Variants in NCAPD3 observed in about 807,000 individuals in gnomAD.
NCAPD3 encodes non-SMC condensin II complex subunit D3, also known as condensin-2 complex subunit D3.
A neutral mutation model predicts 182.9 loss-of-function variants in NCAPD3; 105 were observed. The observed-to-expected ratio is 0.57, with a 90% CI of 0.49 to 0.68. The LOEUF (loss-of-function observed/expected upper bound fraction) is 0.68. NCAPD3 is among the 30% of genes least tolerant of loss of function. The pLI, the probability that NCAPD3 is intolerant of heterozygous loss-of-function variation, is 0.00. For missense variants in NCAPD3, 1,944 were observed against 1,837.0 expected, an observed-to-expected ratio of 1.06 and a Z score of -1.07; for synonymous variants, 815 against 679.9, an observed-to-expected ratio of 1.20 and a Z score of -3.09.
intron 32 of NCAPD3, among the ~76,000 whole-genome samples, chr11:134,155,079 C>T (rs935681661): frequency 3.3e-5 from 5 of 152,238 alleles, no homozygotes; most frequent in South Asian, 4.1e-4. Context: ...ATGCACTGTG[C>T]GTAGAATCGA....
Position 134,152,808 on chromosome 11 carries a change from G to A in NCAPD3, c.*136C>T. On this transcript the variant is annotated 3_prime_UTR_variant, in exon 35 of 35. Coordinates refer to ENST00000534548, the MANE Select transcript of NCAPD3 (RefSeq NM_015261.3). ...AATAGAAGGTGAGTGCCAGGCCCCTGAGGAGGAGCTCTCGTGTTCCACAGC... is the reference window on the plus strand; with the variant it reads ...AATAGAAGGTGAGTGCCAGGCCCCTAAGGAGGAGCTCTCGTGTTCCACAGC... 2 of 674,708 alleles carry A rather than the reference G, an allele frequency of 3.0e-6. No homozygotes were observed. Among genetic ancestry groups the A allele is most frequent in the South Asian group, 4.2e-5 (2 of 48,168 alleles). 41.8% of individuals were successfully genotyped at this position (674,708 alleles called of 1,614,324 possible). A position where few individuals can be genotyped will look rare whatever the true frequency, so the allele number is the denominator to read the frequency against.
At chr11:134,169,083 G>T in intron 24 of NCAPD3, 29 bp from the exon 25 acceptor site, 1 of 1,605,448 alleles carries the variant, frequency 6.2e-7, no homozygotes, top group East Asian at 2.2e-5. Context: ...CAAAGAGGGA[G>T]ACCCATTTGC....
chr11:134,193,899 G>T, intron 15 of NCAPD3, 117 bp downstream of exon 15: 1 of 1,017,082 alleles, frequency 9.8e-7, no homozygotes. Flanking sequence ...CAGTTCTACA[G>T]TGGACTTAGT....
At chr11:134,199,799 G>A (rs1944710869) in intron 13 of NCAPD3, among the ~76,000 whole-genome samples, 1 of 152,164 alleles carries the variant, frequency 6.6e-6, no homozygotes, top group Non-Finnish European at 1.5e-5. Context: ...AACTCATGAG[G>A]ACTGAAGAAA....
chr11:134,162,023 T>C (rs1019293956), intron 27 of NCAPD3, 132 bp from the exon 28 acceptor site: 19 of 566,940 alleles, frequency 3.4e-5, no homozygotes, highest in East Asian at 9.2e-5. Flanking sequence ...ATTATGATAC[T>C]GGATGTAGAG....
chr11:134,165,816 A>G (rs1203047346), intron 27 of NCAPD3, among the ~76,000 whole-genome samples: 1 of 138,054 alleles, frequency 7.2e-6, no homozygotes, highest in Non-Finnish European at 1.5e-5. Flanking sequence ...CTCACTTGTG[A>G]GATGAGCTTG....
intron 2 of NCAPD3, among the ~76,000 whole-genome samples, chr11:134,218,821 C>A (rs1190213041): frequency 6.6e-6 from 1 of 152,154 alleles, no homozygotes; most frequent in African/African-American, 2.4e-5. Context: ...ACACCTGGAT[C>A]ACCAATACAG....
intron 32 of NCAPD3, among the ~76,000 whole-genome samples, chr11:134,155,483 A>G (rs1484619143): frequency 6.6e-6 from 1 of 152,206 alleles, no homozygotes; most frequent in Non-Finnish European, 1.5e-5. Context: ...GCCTGGAGCA[A>G]GAACAAGTAC....
Position 134,206,644 on chromosome 11 carries a change from G to C in NCAPD3, c.971C>G (p.Thr324Ser). The change falls in exon 8 of 35, where the codon ACC becomes AGC. Residue 324 changes from threonine to serine, a missense_variant. By Grantham distance (58) the Thr-to-Ser change is moderately conservative. Transcript: ENST00000534548. ...EGSHRAPLAVTSQVINCRNQA... is the reference protein window; with the variant it reads ...EGSHRAPLAVSSQVINCRNQA... Reference sequence around the variant, plus strand: ...GTTTCTACAGTTGATGACTTGGGAGGTAACAGCAAGGGGGGCACGATGGGA... The same window carrying C: ...GTTTCTACAGTTGATGACTTGGGAGCTAACAGCAAGGGGGGCACGATGGGA... The C allele has an allele frequency of 1.9e-6, 3 of 1,613,688 alleles. No individual in the cohort carries two copies. In the African/African-American group the frequency reaches 4.0e-5, roughly 22 times the overall value.
In NCAPD3 at chr11:134,164,993, C is replaced by A. The variant is rs1238880949; in HGVS notation, c.3573+3003G>T. On this transcript the variant is annotated intron_variant, in intron 27 of 34. Coordinates refer to ENST00000534548, the MANE Select transcript of NCAPD3 (RefSeq NM_015261.3). ...GGGAGTGGCATGCTCACTTGTGACA[C>A]AAACTTAGGGAAGCTGCACACCCAC... Among the ~76,000 whole-genome samples, 5 of 143,912 alleles carry A rather than the reference C, an allele frequency of 3.5e-5. No individual in the cohort carries two copies. The East Asian group carries it at 1.1e-3, about 31-fold the overall frequency. The allele number at this position is 143,912 out of a possible 152,430, so 94.4% of individuals were successfully genotyped here.
intron 3 of NCAPD3, among the ~76,000 whole-genome samples, chr11:134,210,769 C>G (rs1555142543): frequency 1.3e-5 from 2 of 152,134 alleles, no homozygotes; most frequent in South Asian, 4.1e-4. Context: ...ATAAGAAGGG[C>G]AATCCCTGAA....
rs1943530424 is a variant in NCAPD3 at position 134,159,918 on chromosome 11, C to T, written c.3841G>A (p.Gly1281Ser). ...TGTGCCACAGGTGCCACCTCAGCAC[C>T]TCCAGCCGTCCCGGCCACATCTGCA... The part of the protein sequence containing the change: ...KHADVAGTAG[G>S]AEVAPVAQVA... Residue 1281 changes from glycine to serine, a missense_variant, in exon 29 of 35, where the codon GGT becomes AGT. Coordinates refer to ENST00000534548, the MANE Select transcript of NCAPD3 (RefSeq NM_015261.3). The T allele has an allele frequency of 1.2e-6, 2 of 1,613,434 alleles. No homozygotes were observed. Among genetic ancestry groups the T allele is most frequent in the Non-Finnish European group, 1.7e-6 (2 of 1,180,002 alleles).
chr11:134,156,985 G>A (rs1360360385), intron 32 of NCAPD3, 33 bp downstream of exon 32: 3 of 1,558,144 alleles, frequency 1.9e-6, no homozygotes, highest in Non-Finnish European at 2.6e-6. Flanking sequence ...GAGAGACTGA[G>A]GAGAAGCCCA....
intron 19 of NCAPD3, chr11:134,183,250 G>C: frequency 2.3e-6 from 1 of 442,094 alleles, no homozygotes; most frequent in South Asian, 1.6e-5. Context: ...GAAGGCTTGT[G>C]GTTTCATAGT....
chr11:134,209,251 C>CA (rs1400476976), intron 5 of NCAPD3, 45 bp from the exon 6 acceptor site: 1 of 1,606,370 alleles, frequency 6.2e-7, no homozygotes, highest in Admixed American at 1.7e-5. Context: ...TTCTACTGAT[C>CA]AGGTATTAGC....
intron 1 of NCAPD3, chr11:134,223,433 T>G (rs548643640): frequency 3.1e-5 from 22 of 702,528 alleles, no homozygotes; most frequent in African/African-American, 3.0e-4. Flanking sequence ...AATCCCATTT[T>G]CACTCATGTG....
At chr11:134,161,752 A>C (rs200751147) in intron 28 of NCAPD3, 29 bp downstream of exon 28, 11 of 1,333,210 alleles carry the variant, frequency 8.3e-6, no homozygotes, top group East Asian at 2.3e-5. Flanking sequence ...GTAGGACAAC[A>C]ACCACAAAAG....
chr11:134,185,399 T>A lies in NCAPD3; in HGVS notation c.2173A>T (p.Ile725Phe). ...SAPAWMLLSKIAGSSPRLDYS... is the reference protein window; with the variant it reads ...SAPAWMLLSKFAGSSPRLDYS... The stretch of plus-strand genomic sequence containing the variant: ...TCCAGCCTGGGTGAGGAGCCAGCAA[T>A]CTTGGAGAGCAGCATCCAGGCAGGT... Residue 725 changes from isoleucine to phenylalanine, a missense_variant, in exon 17 of 35, where the codon ATT (isoleucine) becomes TTT (phenylalanine). Coordinates refer to ENST00000534548, the MANE Select transcript of NCAPD3 (RefSeq NM_015261.3). 3.1e-6 allele frequency: 5 copies of A among 1,614,060 alleles called. No individual in the cohort carries two copies. The highest frequency in any genetic ancestry group is 3.4e-6 in the Non-Finnish European group (4 of 1,179,992).
At chr11:134,209,267 T>G (rs778422951) in intron 5 of NCAPD3, 46 bp downstream of exon 5, 9 of 1,604,374 alleles carry the variant, frequency 5.6e-6, no homozygotes, top group Middle Eastern at 1.7e-4. Flanking sequence ...TTAGCCATAG[T>G]CTAATCCTTT....
Sources: gnomAD v4.1 joint callset for allele counts (sites outside exome capture counted in the v4.1 genomes callset) on GRCh38, gnomAD v4.1.1 for gene constraint, MANE v1.5 for transcripts, NCBI Gene and HGNC (gene_info 2026-07-23, HGNC 2026-07-21) for gene names.